SORCS1: variants seen among roughly 807,000 people sequenced by gnomAD.
SORCS1 encodes sortilin related VPS10 domain containing receptor 1.
In SORCS1, 60 loss-of-function variants were observed where a neutral mutation model predicts 146.1. The observed-to-expected ratio is 0.41, with a 90% CI of 0.33 to 0.51. The LOEUF (loss-of-function observed/expected upper bound fraction) is 0.51. SORCS1 is among the 20% of genes least tolerant of loss of function. The pLI is 0.21. For missense variants in SORCS1, 1,352 were observed against 1,487.6 expected (o/e 0.91, Z 1.50); for synonymous variants, 637 against 584.0 (o/e 1.09, Z -1.31).
At chr10:107,023,905 T>TA (rs1253939048) in intron 1 of SORCS1, among the ~76,000 whole-genome samples, 1 of 151,620 alleles carries the variant, frequency 6.6e-6, no homozygotes, top group Non-Finnish European at 1.5e-5. Context: ...AGAAAAGAAA[T>TA]AAAAAAGAAA....
intron 2 of SORCS1, among the ~76,000 whole-genome samples, chr10:106,866,851 G>A (rs1336615): frequency 0.37 from 55,731 of 151,976 alleles, 12,492 homozygotes; most frequent in Middle Eastern, 0.52. Flanking sequence ...TCTATTGACT[G>A]TACTTAATCT....
intron 3 of SORCS1, among the ~76,000 whole-genome samples, chr10:106,780,270 C>T (rs1338151090): frequency 6.6e-6 from 1 of 152,174 alleles, no homozygotes; most frequent in Non-Finnish European, 1.5e-5. Flanking sequence ...CAATAGATTA[C>T]ATTTCTTAAA....
chr10:106,817,610 T>G (rs1482761189), intron 3 of SORCS1, among the ~76,000 whole-genome samples: 1 of 152,172 alleles, frequency 6.6e-6, no homozygotes, highest in Non-Finnish European at 1.5e-5. Flanking sequence ...AAAGGAACAT[T>G]TTATGAGCTT....
intron 3 of SORCS1, among the ~76,000 whole-genome samples, chr10:106,815,067 C>G (rs1474092780): frequency 6.6e-6 from 1 of 152,052 alleles, no homozygotes; most frequent in Non-Finnish European, 1.5e-5. Flanking sequence ...TCACGCCCTT[C>G]TCCTGCCTCA....
the SORCS1 span, among the ~76,000 whole-genome samples, chr10:107,178,767 C>T: frequency 1.3e-5 from 2 of 152,120 alleles, no homozygotes; most frequent in African/African-American, 4.8e-5. Flanking sequence ...GGATTACAGG[C>T]GTGAGCCACT....
intron 1 of SORCS1, among the ~76,000 whole-genome samples, chr10:107,003,263 A>G (rs1351490433): frequency 6.6e-6 from 1 of 151,086 alleles, no homozygotes; most frequent in Non-Finnish European, 1.5e-5. Flanking sequence ...TCAAAAAGGA[A>G]AAAAAAAAGT....
intron 10 of SORCS1, among the ~76,000 whole-genome samples, chr10:106,682,725 A>G (rs1852533782): frequency 6.6e-6 from 1 of 152,164 alleles, no homozygotes; most frequent in Admixed American, 6.5e-5. Flanking sequence ...TTCTCTCATT[A>G]GCAAATATGT....
At chr10:106,661,546 A>G (rs1232910897) in intron 17 of SORCS1, among the ~76,000 whole-genome samples, 3 of 152,336 alleles carry the variant, frequency 2.0e-5, no homozygotes, top group South Asian at 4.1e-4. Flanking sequence ...TCTTTACTCT[A>G]GAGGAGTCTT....
chr10:106,929,469 T>C (rs1329511805), intron 2 of SORCS1, among the ~76,000 whole-genome samples: 2 of 152,190 alleles, frequency 1.3e-5, no homozygotes, highest in African/African-American at 2.4e-5. Context: ...CCCTCCCTAC[T>C]AACATGGCCT....
chr10:106,821,214 C>T (rs1193894772), intron 3 of SORCS1, among the ~76,000 whole-genome samples: 1 of 152,130 alleles, frequency 6.6e-6, no homozygotes, highest in Non-Finnish European at 1.5e-5. Flanking sequence ...GTTTCCAGAT[C>T]AATCTTCATA....
intron 4 of SORCS1, among the ~76,000 whole-genome samples, chr10:106,767,311 G>A (rs1859644841): frequency 6.6e-6 from 1 of 152,116 alleles, no homozygotes; most frequent in South Asian, 2.1e-4. Flanking sequence ...CTACAGTTGA[G>A]GGTGGTACTC....
chr10:106,706,046 T>G (rs969584887), intron 8 of SORCS1, among the ~76,000 whole-genome samples: 1 of 152,206 alleles, frequency 6.6e-6, no homozygotes, highest in African/African-American at 2.4e-5. Context: ...CGGCAGCTGT[T>G]GCACTGATAC....
intron 18 of SORCS1, among the ~76,000 whole-genome samples, chr10:106,633,038 A>C (rs141400845): frequency 0.012 from 1,866 of 152,284 alleles, 22 homozygotes; most frequent in Non-Finnish European, 0.019. Flanking sequence ...AAAAAGAGAG[A>C]GAGAACAAGA....
chr10:107,036,265 AG>A lies in SORCS1; in HGVS notation c.559-79686del, dbSNP rs544652276. Among the ~76,000 whole-genome samples the A allele has an allele frequency of 2.0e-3, 304 of 152,332 alleles. 1 individual carries two copies. Among genetic ancestry groups the A allele is most frequent in the African/African-American group, 7.0e-3 (290 of 41,580 alleles). On this transcript the variant is annotated intron_variant, in intron 1 of 25. Coordinates refer to ENST00000263054, the MANE Select transcript of SORCS1 (RefSeq NM_052918.5). The stretch of plus-strand genomic sequence containing the variant: ...TATTTTCTCATAGAATTTACATTGT[AG>A]GTATTCTAAGTAATCTACAGATAAT...
intron 10 of SORCS1, among the ~76,000 whole-genome samples, chr10:106,685,361 C>T (rs556770388): frequency 6.6e-5 from 10 of 152,152 alleles, no homozygotes; most frequent in South Asian, 4.2e-4. Context: ...ACACAGGCAC[C>T]GTCCCTAGGT....
At chr10:106,860,455 A>C (rs949981144) in intron 2 of SORCS1, among the ~76,000 whole-genome samples, 6 of 151,890 alleles carry the variant, frequency 4.0e-5, no homozygotes, top group Non-Finnish European at 2.9e-5. Context: ...TGAATGCTTA[A>C]GATACCACAC....
intron 2 of SORCS1, among the ~76,000 whole-genome samples, chr10:106,853,064 A>T (rs1257886441): frequency 6.6e-6 from 1 of 152,188 alleles, no homozygotes; most frequent in African/African-American, 2.4e-5. Flanking sequence ...TATTTCTGAA[A>T]TGTATGGGAA....
At chr10:107,083,798 G>A (rs1208160133) in intron 1 of SORCS1, among the ~76,000 whole-genome samples, 2 of 152,180 alleles carry the variant, frequency 1.3e-5, no homozygotes, top group Non-Finnish European at 2.9e-5. Flanking sequence ...GGCCCTAGAG[G>A]GGAGTGGGAT....
intron 1 of SORCS1, among the ~76,000 whole-genome samples, chr10:107,008,922 G>T (rs576063302): frequency 6.6e-6 from 1 of 152,222 alleles, no homozygotes; most frequent in African/African-American, 2.4e-5. Context: ...ACTTGAATCC[G>T]AGAGGTGGAG....
Sources: gnomAD v4.1 joint callset for allele counts (sites outside exome capture counted in the v4.1 genomes callset) on GRCh38, gnomAD v4.1.1 for gene constraint, MANE v1.5 for transcripts, NCBI Gene and HGNC (gene_info 2026-07-23, HGNC 2026-07-21) for gene names.